DCDC2C: variants seen among roughly 807,000 people sequenced by gnomAD.
DCDC2C encodes doublecortin domain containing 2C.
A neutral mutation model predicts 45.0 loss-of-function variants in DCDC2C; 44 were observed. The observed-to-expected ratio is 0.98, with a 90% CI of 0.77 to 1.26. The LOEUF is 1.26. DCDC2C is among the 50% of genes most tolerant of loss of function. The pLI is 0.00. For missense variants in DCDC2C, 447 were observed against 468.9 expected, an observed-to-expected ratio of 0.95 and a Z score of 0.43; for synonymous variants, 187 against 178.8, an observed-to-expected ratio of 1.05 and a Z score of -0.37.
intron 10 of DCDC2C, among the ~76,000 whole-genome samples, chr2:3,816,669 G>A (rs1417263967): frequency 6.6e-6 from 1 of 152,200 alleles, no homozygotes; most frequent in Non-Finnish European, 1.5e-5. Flanking sequence ...AAGTATTGGA[G>A]TGTGCCCTGT....
intron 10 of DCDC2C, among the ~76,000 whole-genome samples, chr2:3,825,629 C>T: frequency 6.6e-6 from 1 of 152,166 alleles, no homozygotes; most frequent in African/African-American, 2.4e-5. Context: ...AGCTCCTGGT[C>T]TCCAGTGTGG....
chr2:3,739,523 G>A (rs548430130), intron 3 of DCDC2C, among the ~76,000 whole-genome samples: 8 of 152,340 alleles, frequency 5.3e-5, no homozygotes, highest in African/African-American at 1.7e-4. Context: ...CAAGAGGAAC[G>A]CACCAACAGG....
intron 10 of DCDC2C, among the ~76,000 whole-genome samples, chr2:3,816,352 T>C (rs1372297156): frequency 4.6e-5 from 7 of 152,232 alleles, no homozygotes; most frequent in Non-Finnish European, 8.8e-5. Context: ...TTTTGGGCTC[T>C]ATCCTTGAGT....
intron 10 of DCDC2C, among the ~76,000 whole-genome samples, chr2:3,812,559 G>GT (rs1223558278): frequency 1.3e-5 from 2 of 152,122 alleles, no homozygotes; most frequent in African/African-American, 4.8e-5. Flanking sequence ...TTTTTGGAGA[G>GT]TTTTTTGTGT....
At chr2:3,825,158 C>G (rs369663119) in intron 10 of DCDC2C, among the ~76,000 whole-genome samples, 3 of 152,276 alleles carry the variant, frequency 2.0e-5, no homozygotes, top group East Asian at 1.9e-4. Flanking sequence ...GCTGCCCTAG[C>G]CCCTCATCTC....
At chr2:3,723,830 G>C (rs975693042) in intron 2 of DCDC2C, among the ~76,000 whole-genome samples, 1 of 152,060 alleles carries the variant, frequency 6.6e-6, no homozygotes, top group Non-Finnish European at 1.5e-5. Context: ...AAATGGGGCC[G>C]GGGTGGCACC....
At chr2:3,794,148 A>G (rs958825436) in intron 10 of DCDC2C, among the ~76,000 whole-genome samples, 4 of 152,242 alleles carry the variant, frequency 2.6e-5, no homozygotes, top group Non-Finnish European at 4.4e-5. Flanking sequence ...ATTTTACAAC[A>G]TGATGCATTG....
intron 3 of DCDC2C, among the ~76,000 whole-genome samples, chr2:3,728,383 C>A (rs1668758509): frequency 6.6e-6 from 1 of 152,182 alleles, no homozygotes. Flanking sequence ...TAATAAGACA[C>A]AGTATTTCTG....
chr2:3,816,995 G>A (rs1390948398), intron 10 of DCDC2C, among the ~76,000 whole-genome samples: 1 of 152,156 alleles, frequency 6.6e-6, no homozygotes, highest in Non-Finnish European at 1.5e-5. Flanking sequence ...AGAATAGAAT[G>A]GGCCTGTGAG....
rs35604902 is a variant in DCDC2C at position 3,825,364 on chromosome 2, A to G, written c.1066-21790A>G. The stretch of plus-strand genomic sequence containing the variant: ...GCCAGGCTCGAATCCTGTGCCTTCT[A>G]GGAGGAATTTATCTTTCTTTAGATT... On this transcript the variant is annotated intron_variant, in intron 10 of 10. Coordinates refer to ENST00000399143, the MANE Select transcript of DCDC2C (RefSeq NM_001287444.2). Among the ~76,000 whole-genome samples, 1,122 of 152,192 alleles carry G rather than the reference A, an allele frequency of 7.4e-3. 3 individuals carry two copies. The highest frequency in any genetic ancestry group is 0.012 in the Non-Finnish European group (825 of 67,990).
At chr2:3,744,357 A>G (rs188215629) in intron 4 of DCDC2C, among the ~76,000 whole-genome samples, 24 of 152,246 alleles carry the variant, frequency 1.6e-4, no homozygotes, top group African/African-American at 5.1e-4. Flanking sequence ...GTTGGTGCAG[A>G]TTAGAGGAAG....
At chr2:3,753,755 C>A (rs1242159971) in intron 5 of DCDC2C, among the ~76,000 whole-genome samples, 1 of 152,062 alleles carries the variant, frequency 6.6e-6, no homozygotes, top group African/African-American at 2.4e-5. Context: ...GGCGCAGCGT[C>A]CGGGATGGCC....
rs999609007 is a variant in DCDC2C, at chr2:3,704,144, C to A, written c.287+106C>A. 7.3e-5 allele frequency: 76 copies of A among 1,039,052 alleles called. No homozygotes were observed. In the African/African-American group the frequency reaches 1.1e-3, roughly 15 times the overall value. 64.4% of individuals were successfully genotyped at this position (1,039,052 alleles called of 1,614,324 possible). A position where few individuals can be genotyped will look rare whatever the true frequency, so the allele number is the denominator to read the frequency against. On this transcript the variant is annotated intron_variant, in intron 1 of 10. Coordinates refer to ENST00000399143, the MANE Select transcript of DCDC2C (RefSeq NM_001287444.2). ...CAGGTGTCCTCCCCAGGCTTCCCTC[C>A]CGGCTCGGGCGCCCATCTTTCGGCG... is the stretch of plus-strand genomic sequence containing the variant.
rs1671611281 is a variant in DCDC2C, at chr2:3,818,681, G to A, written c.1066-28473G>A. Among the ~76,000 whole-genome samples, 1 of 152,106 alleles carries A rather than the reference G, an allele frequency of 6.6e-6. No homozygotes were observed. The highest frequency in any genetic ancestry group is 2.4e-5 in the African/African-American group (1 of 41,406). On this transcript the variant is annotated intron_variant, in intron 10 of 10. Transcript: ENST00000399143. The surrounding 1 kb of genome is among the most constrained non-coding windows in gnomAD (Gnocchi z 4.7). Reference sequence around the variant, plus strand: ...TGTTCAGTGGGGTAAGGGTGATTAGGTTTTAAAGGGATGGTAAGGGGTGCA... The same window carrying A: ...TGTTCAGTGGGGTAAGGGTGATTAGATTTTAAAGGGATGGTAAGGGGTGCA...
chr2:3,839,312 A>G (rs921943554), intron 10 of DCDC2C, among the ~76,000 whole-genome samples: 2 of 152,206 alleles, frequency 1.3e-5, no homozygotes, highest in Non-Finnish European at 2.9e-5. Context: ...TATACCTTCA[A>G]CCAAAACATT....
chr2:3,773,698 C>G (rs1336483511), intron 8 of DCDC2C, among the ~76,000 whole-genome samples: 1 of 152,140 alleles, frequency 6.6e-6, no homozygotes, highest in African/African-American at 2.4e-5. Flanking sequence ...AATTGGAAAC[C>G]CTGCCAGGTC....
At chr2:3,720,835 G>A (rs924521163) in intron 2 of DCDC2C, among the ~76,000 whole-genome samples, 1 of 152,116 alleles carries the variant, frequency 6.6e-6, no homozygotes, top group Non-Finnish European at 1.5e-5. Context: ...TCTAGAATTG[G>A]TATTGTTTCT....
chr2:3,728,123 G>A (rs57201373), intron 3 of DCDC2C, among the ~76,000 whole-genome samples: 40 of 152,048 alleles, frequency 2.6e-4, no homozygotes, highest in African/African-American at 8.9e-4. Context: ...ACGTCCCCTC[G>A]CAGTCCCGAG....
intron 4 of DCDC2C, among the ~76,000 whole-genome samples, chr2:3,749,064 C>A (rs1015709826): frequency 3.9e-5 from 6 of 152,004 alleles, no homozygotes; most frequent in Admixed American, 3.9e-4. Context: ...ATAGACTGTA[C>A]CTTTATTTTG....
Sources: allele counts gnomAD v4.1 joint callset (sites outside exome capture counted in the v4.1 genomes callset), GRCh38; gene constraint gnomAD v4.1.1; non-coding constraint Gnocchi (gnomAD v3.1); transcripts MANE v1.5; gene names NCBI Gene and HGNC (gene_info 2026-07-23, HGNC 2026-07-21).